The following STAU1 variants were observed in gnomAD, a reference collection of about 807,000 sequenced individuals.
The protein encoded by STAU1 is double-stranded RNA-binding protein Staufen homolog 1.
In STAU1, 13 loss-of-function variants were observed where a neutral mutation model predicts 62.9. The ratio of observed to expected loss-of-function variants is 0.21; its 90% CI spans 0.13 to 0.33. The LOEUF is 0.33. Ranked by LOEUF, STAU1 falls within the 10% of genes least tolerant of loss-of-function variation. STAU1 has a pLI of 1.00. For synonymous variants in STAU1, 269 were observed against 265.1 expected, an observed-to-expected ratio of 1.01 and a Z score of -0.14; for missense variants, 571 against 712.1, an observed-to-expected ratio of 0.80 and a Z score of 2.25.
intron 1 of STAU1, among the ~76,000 whole-genome samples, chr20:49,180,331 TTC>T (rs1491253607): frequency 1.2e-5 from 1 of 81,054 alleles, no homozygotes; most frequent in Non-Finnish European, 2.6e-5. Flanking sequence ...TTTTTTTTTT[TTC>T]CCCCCCTGGA....
At chr20:49,139,027 G>A (rs1204492710) in intron 5 of STAU1, among the ~76,000 whole-genome samples, 3 of 151,836 alleles carry the variant, frequency 2.0e-5, no homozygotes, top group Non-Finnish European at 2.9e-5. Flanking sequence ...ATGGTGCTAG[G>A]AAAACTAGAT....
At chr20:49,192,160 C>G (rs1424766192), upstream of STAU1, among the ~76,000 whole-genome samples, 1 of 151,838 alleles carries the variant, frequency 6.6e-6, no homozygotes, top group East Asian at 1.9e-4. Flanking sequence ...TCCTGGCTAA[C>G]ATGGTGAAAC....
chr20:49,198,841 T>C, the STAU1 span, among the ~76,000 whole-genome samples: 2 of 152,260 alleles, frequency 1.3e-5, no homozygotes, highest in South Asian at 2.1e-4. Context: ...CATGTGCCTA[T>C]AGTCCCAGCT....
chr20:49,157,526 C>T (rs913444557), intron 3 of STAU1, among the ~76,000 whole-genome samples: 3 of 151,804 alleles, frequency 2.0e-5, no homozygotes, highest in African/African-American at 7.3e-5. Context: ...TGTCGCCAGG[C>T]TGGAGTGTAG....
upstream of STAU1, among the ~76,000 whole-genome samples, chr20:49,193,180 C>G (rs866398968): frequency 2.6e-5 from 4 of 152,022 alleles, no homozygotes; most frequent in African/African-American, 9.7e-5. Context: ...AGTTTGAGAT[C>G]AGCCCGGCCA....
the STAU1 span, among the ~76,000 whole-genome samples, chr20:49,209,724 C>G: frequency 1.3e-5 from 2 of 151,880 alleles, no homozygotes; most frequent in Admixed American, 6.6e-5. Flanking sequence ...GCCTGGGCAA[C>G]AAGAGCAAAA....
At chr20:49,123,378 T>A in intron 7 of STAU1, 143 bp from the exon 8 acceptor site, 2 of 1,001,018 alleles carry the variant, frequency 2.0e-6, no homozygotes, top group Non-Finnish European at 3.0e-6. Context: ...TTTAACATTT[T>A]AACAATGAAA....
chr20:49,116,056 C>A (rs900162815), intron 12 of STAU1, among the ~76,000 whole-genome samples, 189 bp from the exon 13 acceptor site: 2 of 152,204 alleles, frequency 1.3e-5, no homozygotes, highest in South Asian at 2.1e-4. Context: ...TCAGTTACCT[C>A]ACTGAATCAT....
intron 5 of STAU1, among the ~76,000 whole-genome samples, chr20:49,146,452 AG>A (rs2093134141): frequency 6.6e-6 from 1 of 152,178 alleles, no homozygotes; most frequent in South Asian, 2.1e-4. Flanking sequence ...CTGTAATCCC[AG>A]GATTCTGGGA....
chr20:49,178,488 C>T (rs551471360), intron 1 of STAU1, among the ~76,000 whole-genome samples: 119 of 152,308 alleles, frequency 7.8e-4, no homozygotes, highest in African/African-American at 2.7e-3. Context: ...GTGACTCACA[C>T]CTGTAATCCC....
chr20:49,173,882 T>A (rs1333829312), intron 2 of STAU1, among the ~76,000 whole-genome samples: 3 of 152,150 alleles, frequency 2.0e-5, no homozygotes, highest in Non-Finnish European at 4.4e-5. Flanking sequence ...AGGGTTTTTT[T>A]AAAAAAAGCA....
At chr20:49,149,906 A>AC (rs1190523326) in intron 5 of STAU1, among the ~76,000 whole-genome samples, 4 of 152,170 alleles carry the variant, frequency 2.6e-5, no homozygotes, top group African/African-American at 9.7e-5. Flanking sequence ...TCGGGTCTAC[A>AC]CCTCTCATCA....
chr20:49,207,029 C>G, the STAU1 span, among the ~76,000 whole-genome samples: 1 of 151,718 alleles, frequency 6.6e-6, no homozygotes, highest in African/African-American at 2.4e-5. Context: ...GCTGGGATTA[C>G]AGGCGTCAGC....
chr20:49,122,365 G>A (rs954994929), intron 8 of STAU1, among the ~76,000 whole-genome samples: 1 of 152,148 alleles, frequency 6.6e-6, no homozygotes, highest in East Asian at 1.9e-4. Flanking sequence ...TTGGTAAAGA[G>A]CAATGTCATA....
chr20:49,156,559 G>A (rs1367268075), intron 3 of STAU1, among the ~76,000 whole-genome samples: 2 of 152,168 alleles, frequency 1.3e-5, no homozygotes, highest in African/African-American at 4.8e-5. Context: ...TATGGGCTTA[G>A]GAAATTTTGT....
At chr20:49,138,351 G>A (rs2092935353) in intron 5 of STAU1, among the ~76,000 whole-genome samples, 1 of 152,088 alleles carries the variant, frequency 6.6e-6, no homozygotes. Context: ...ATAACCAAGG[G>A]TATAATCCTG....
intron 5 of STAU1, among the ~76,000 whole-genome samples, chr20:49,145,848 T>C (rs1242494296): frequency 1.3e-5 from 2 of 151,194 alleles, no homozygotes; most frequent in South Asian, 2.1e-4. Context: ...ACTATGATCA[T>C]GTCTGTGTAC....
At chr20:49,157,807 G>C (rs2093385499) in intron 3 of STAU1, among the ~76,000 whole-genome samples, 2 of 151,992 alleles carry the variant, frequency 1.3e-5, no homozygotes, top group Admixed American at 1.3e-4. Flanking sequence ...AATTTTTGCG[G>C]AGGCAGGGTC....
chr20:49,178,574 C>T (rs368032952), intron 1 of STAU1, among the ~76,000 whole-genome samples: 3 of 151,816 alleles, frequency 2.0e-5, no homozygotes, highest in Admixed American at 2.0e-4. Context: ...CATGGTGAAA[C>T]ACTGTCTCTA....
Sources: allele counts gnomAD v4.1 joint callset (sites outside exome capture counted in the v4.1 genomes callset), GRCh38; gene constraint gnomAD v4.1.1; transcripts MANE v1.5; gene names NCBI Gene and HGNC (gene_info 2026-07-23, HGNC 2026-07-21).